The following CCSER1 variants were observed in gnomAD, a reference collection of about 807,000 sequenced individuals.
The protein encoded by CCSER1 is serine-rich coiled-coil domain-containing protein 1.
CCSER1 carries 41 observed loss-of-function variants against 82.0 expected under a neutral mutation model. The observed-to-expected ratio is 0.50, with a 90% confidence interval of 0.39 to 0.65. The LOEUF (loss-of-function observed/expected upper bound fraction) is 0.65. Among genes scored for constraint, CCSER1 ranks in the 30% least tolerant of loss-of-function variants. The pLI is 0.00. For missense variants in CCSER1, 1,119 were observed against 1,064.2 expected (o/e 1.05, Z -0.72); for synonymous variants, 414 against 383.9 (o/e 1.08, Z -0.92).
In CCSER1 at chr4:90,501,996, A is replaced by G. The variant is rs1025860976; in HGVS notation, c.1724+33642A>G. Among the ~76,000 whole-genome samples the G allele has an allele frequency of 5.3e-5, 8 of 152,304 alleles. No homozygotes were observed. In the South Asian group the frequency reaches 6.2e-4, roughly 12 times the overall value. ...TTCTGTAGGTTTGTTTGAACAATCCAGACACAAAACTCTACCATATATATC... is the reference window on the plus strand; with the variant it reads ...TTCTGTAGGTTTGTTTGAACAATCCGGACACAAAACTCTACCATATATATC... On this transcript the variant is annotated intron_variant, in intron 5 of 10. Coordinates refer to ENST00000509176, the MANE Select transcript of CCSER1 (RefSeq NM_001145065.2).
At chr4:90,657,458 A>G (rs928519994) in intron 6 of CCSER1, among the ~76,000 whole-genome samples, 2 of 152,126 alleles carry the variant, frequency 1.3e-5, no homozygotes, top group Non-Finnish European at 2.9e-5. Context: ...ATCTTTTCAA[A>G]TGTTGCTTCT....
At chr4:91,478,724 T>C (rs185250063) in intron 10 of CCSER1, among the ~76,000 whole-genome samples, 1 of 151,944 alleles carries the variant, frequency 6.6e-6, no homozygotes. Context: ...AATATTTCAG[T>C]TGATCATATA....
intron 5 of CCSER1, among the ~76,000 whole-genome samples, chr4:90,509,599 T>G (rs1771197507): frequency 6.6e-6 from 1 of 152,110 alleles, no homozygotes. Flanking sequence ...CTTAGAACAA[T>G]TTTAGAGATT....
intron 6 of CCSER1, among the ~76,000 whole-genome samples, chr4:90,659,289 G>A (rs1342303890): frequency 6.6e-6 from 1 of 152,088 alleles, no homozygotes; most frequent in Non-Finnish European, 1.5e-5. Context: ...GCTTGCCCTA[G>A]TGTTTTGTTA....
chr4:90,628,114 G>C lies in CCSER1; in HGVS notation c.1814G>C (p.Trp605Ser), dbSNP rs1188101741. The change falls in exon 6 of 11, where the codon TGG (tryptophan) becomes TCG (serine). Residue 605 changes from tryptophan to serine, a missense_variant. Transcript: ENST00000509176. ...SRMPNSPSAD[W>S]PLQGVEENGG... is the part of the protein sequence containing the mutation. ...ATGCCCAACAGTCCATCTGCGGATT[G>C]GCCTCTACAAGGTGTGGAAGAAAAC... The C allele has an allele frequency of 1.2e-6, 2 of 1,613,532 alleles. No individual in the cohort carries two copies.
intron 1 of CCSER1, among the ~76,000 whole-genome samples, chr4:90,190,840 C>G (rs1475118583): frequency 6.6e-6 from 1 of 151,914 alleles, no homozygotes; most frequent in African/African-American, 2.4e-5. Flanking sequence ...GTACTTGGAA[C>G]AAAATGGTTA....
chr4:90,576,431 G>T (rs1434342514), intron 5 of CCSER1, among the ~76,000 whole-genome samples: 1 of 152,060 alleles, frequency 6.6e-6, no homozygotes, highest in Non-Finnish European at 1.5e-5. Flanking sequence ...CATTCTATGG[G>T]TTTTGATAAA....
intron 10 of CCSER1, among the ~76,000 whole-genome samples, chr4:91,294,542 A>C (rs1423521926): frequency 6.6e-6 from 1 of 151,796 alleles, no homozygotes; most frequent in East Asian, 2.0e-4. Flanking sequence ...CTGAAATGCA[A>C]AATCAGGATG....
chr4:90,177,209 G>A (rs1174725913), intron 1 of CCSER1, among the ~76,000 whole-genome samples: 1 of 152,084 alleles, frequency 6.6e-6, no homozygotes, highest in Non-Finnish European at 1.5e-5. Context: ...TTTAGAATAA[G>A]TGGTATTTTC....
chr4:91,088,639 T>C (rs936306428), intron 10 of CCSER1, among the ~76,000 whole-genome samples: 1 of 152,218 alleles, frequency 6.6e-6, no homozygotes, highest in Non-Finnish European at 1.5e-5. Flanking sequence ...TTTACATTTT[T>C]ATACGTGCAT....
chr4:90,299,824 T>C (rs1000185805), intron 1 of CCSER1, among the ~76,000 whole-genome samples: 1 of 152,146 alleles, frequency 6.6e-6, no homozygotes, highest in East Asian at 1.9e-4. Context: ...TTAAATGATA[T>C]AATTAGGTAA....
At chr4:91,420,401 A>G (rs1753622509) in intron 10 of CCSER1, among the ~76,000 whole-genome samples, 1 of 152,196 alleles carries the variant, frequency 6.6e-6, no homozygotes, top group African/African-American at 2.4e-5. Flanking sequence ...ACAGTTTTCC[A>G]AAGAAGACAT....
intron 8 of CCSER1, among the ~76,000 whole-genome samples, chr4:90,851,464 GGT>G (rs1763877869): frequency 6.6e-6 from 1 of 151,034 alleles, no homozygotes; most frequent in African/African-American, 2.4e-5. Flanking sequence ...CATGGGGAGG[GGT>G]GGGGGGGGCG....
chr4:91,216,604 G>A (rs1737263963), intron 10 of CCSER1, among the ~76,000 whole-genome samples: 1 of 152,186 alleles, frequency 6.6e-6, no homozygotes, highest in Admixed American at 6.5e-5. Context: ...ACAGGCGTGA[G>A]CCACTGCGCC....
chr4:91,128,064 C>G (rs190298693), intron 10 of CCSER1, among the ~76,000 whole-genome samples: 1 of 152,082 alleles, frequency 6.6e-6, no homozygotes, highest in Admixed American at 6.6e-5. Flanking sequence ...TGCTGCTCCC[C>G]CACATGCCAC....
chr4:91,505,586 C>T (rs901679625), intron 10 of CCSER1, among the ~76,000 whole-genome samples: 19 of 152,204 alleles, frequency 1.2e-4, no homozygotes, highest in African/African-American at 4.3e-4. Flanking sequence ...TCCTATTTCT[C>T]CACAGCCTTG....
intron 8 of CCSER1, among the ~76,000 whole-genome samples, chr4:90,894,758 G>A (rs1401606089): frequency 6.6e-6 from 1 of 151,628 alleles, no homozygotes; most frequent in African/African-American, 2.4e-5. Flanking sequence ...GCCAATGATG[G>A]TTCTACTCAT....
intron 6 of CCSER1, among the ~76,000 whole-genome samples, chr4:90,643,565 T>C (rs1303806115): frequency 6.6e-6 from 1 of 152,178 alleles, no homozygotes; most frequent in Non-Finnish European, 1.5e-5. Flanking sequence ...GTAGAGAATA[T>C]TAAATGTGTT....
chr4:90,776,676 C>G (rs1216967732), intron 7 of CCSER1, among the ~76,000 whole-genome samples: 1 of 152,170 alleles, frequency 6.6e-6, no homozygotes. Flanking sequence ...TGTATTAACA[C>G]GTTAGTGTTC....
Sources: allele counts gnomAD v4.1 joint callset (sites outside exome capture counted in the v4.1 genomes callset), GRCh38; gene constraint gnomAD v4.1.1; transcripts MANE v1.5; gene names NCBI Gene and HGNC (gene_info 2026-07-23, HGNC 2026-07-21).